The following RP1L1 variants were observed in gnomAD, a reference collection of about 807,000 sequenced individuals.
The protein encoded by RP1L1 is retinitis pigmentosa 1-like 1 protein.
A neutral mutation model predicts 15.7 loss-of-function variants in RP1L1; 27 were observed. The observed-to-expected ratio is 1.72, with a 90% CI of 1.27 to 2.38. The LOEUF (loss-of-function observed/expected upper bound fraction) is 2.38, where lower values mean the gene tolerates loss of function less well. RP1L1 is among the 30% of genes most tolerant of loss of function. The pLI, the probability that RP1L1 is intolerant of heterozygous loss-of-function variation, is 0.00. For synonymous variants in RP1L1, 1,813 were observed against 1,276.7 expected, an observed-to-expected ratio of 1.42 and a Z score of -8.96; for missense variants, 4,798 against 3,075.9, an observed-to-expected ratio of 1.56 and a Z score of -13.24.
intron 1 of RP1L1, among the ~76,000 whole-genome samples, chr8:10,636,551 T>C (rs1299877353): frequency 6.6e-6 from 1 of 152,140 alleles, no homozygotes; most frequent in African/African-American, 2.4e-5. Flanking sequence ...GGCCCTGGCC[T>C]GACCACCAAG....
In RP1L1 at chr8:10,606,631, C is replaced by T. The variant is rs145010029; in HGVS notation, c.*264G>A. 4.9e-5 allele frequency: 26 copies of T among 526,660 alleles called. No homozygotes were observed. In the East Asian group the frequency reaches 7.0e-4, roughly 14 times the overall value. 32.6% of individuals were successfully genotyped at this position (526,660 alleles called of 1,614,324 possible). A position where few individuals can be genotyped will look rare whatever the true frequency, so the allele number is the denominator to read the frequency against. On this transcript the variant is annotated 3_prime_UTR_variant, in exon 4 of 4. Coordinates refer to ENST00000382483, the MANE Select transcript of RP1L1 (RefSeq NM_178857.6). ...GCTCTGCAGACAAATAAATAGGAGC[C>T]GGGCTGACCTCCGATAACCGGGCAG...
chr8:10,635,275 AG>A (rs1230512614), intron 1 of RP1L1, among the ~76,000 whole-genome samples: 1 of 149,588 alleles, frequency 6.7e-6, no homozygotes, highest in South Asian at 2.1e-4. Context: ...TAGCCTCAGC[AG>A]CCCATAATTC....
intron 3 of RP1L1, 28 bp from the exon 4 acceptor site, chr8:10,613,374 A>G (rs369896454): frequency 3.7e-5 from 59 of 1,598,816 alleles, no homozygotes; most frequent in Non-Finnish European, 4.9e-5. Flanking sequence ...GGAAAAGAAA[A>G]GAAGAAAAGA....
chr8:10,637,075 C>G (rs1798340557), intron 1 of RP1L1, among the ~76,000 whole-genome samples: 2 of 152,196 alleles, frequency 1.3e-5, no homozygotes, highest in South Asian at 2.1e-4. Context: ...GGGAGAGAGA[C>G]AGGCTGAGAT....
chr8:10,624,157 C>T (rs1449942531), intron 1 of RP1L1, among the ~76,000 whole-genome samples: 4 of 152,216 alleles, frequency 2.6e-5, no homozygotes, highest in African/African-American at 9.7e-5. Flanking sequence ...TCTCAGAATA[C>T]TCATCACATT....
At chr8:10,631,001 G>A (rs1277553762) in intron 1 of RP1L1, among the ~76,000 whole-genome samples, 1 of 152,178 alleles carries the variant, frequency 6.6e-6, no homozygotes, top group African/African-American at 2.4e-5. Flanking sequence ...TGCTCGAGTG[G>A]AGTGAATGCC....
intron 1 of RP1L1, among the ~76,000 whole-genome samples, chr8:10,645,627 C>T (rs1165714017): frequency 1.3e-5 from 2 of 152,154 alleles, no homozygotes; most frequent in African/African-American, 4.8e-5. Flanking sequence ...GGAATCACTG[C>T]CATGGGCACG....
chr8:10,627,855 G>C (rs1283522997), intron 1 of RP1L1, among the ~76,000 whole-genome samples: 1 of 152,164 alleles, frequency 6.6e-6, no homozygotes, highest in East Asian at 1.9e-4. Flanking sequence ...AACAGAGCAA[G>C]TAGGCAAAGA....
rs556627161 is a variant in RP1L1 at position 10,612,525 on chromosome 8, C to A, written c.1573G>T (p.Ala525Ser). 2.5e-6 allele frequency: 4 copies of A among 1,610,904 alleles called. No individual in the cohort carries two copies. The African/African-American group carries it at 5.3e-5, about 21-fold the overall frequency. Residue 525 changes from alanine (A) to serine (S), a missense_variant, in exon 4 of 4, where the codon GCC becomes TCC. Ala to Ser is a moderately conservative substitution (Grantham distance 99). Coordinates refer to ENST00000382483, the MANE Select transcript of RP1L1 (RefSeq NM_178857.6). ...PEQGGRLTPR[A>S]RSEEGASSDS... ...GAAGAAGCCCCCTCCTCACTCCGGGCCCTCGGTGTCAGGCGGCCGCCTTGC... is the reference window on the plus strand; with the variant it reads ...GAAGAAGCCCCCTCCTCACTCCGGGACCTCGGTGTCAGGCGGCCGCCTTGC...
At chr8:10,617,938 T>C (rs553979084) in intron 2 of RP1L1, among the ~76,000 whole-genome samples, 1 of 152,302 alleles carries the variant, frequency 6.6e-6, no homozygotes, top group Non-Finnish European at 1.5e-5. Context: ...CACTAAACGG[T>C]AGCTAACGGA....
Position 10,610,325 on chromosome 8 carries a change from A to G in RP1L1, c.3773T>C (p.Phe1258Ser), listed in dbSNP as rs533807084. ...GGCTCGGGCGTTCAAGAAGGTTGGG[A>G]AACAACACTGCTGTTGGTTTTCCAG... ...GDLENQQQCC[F>S]PTFLNARACA... is the part of the protein sequence containing the mutation. Residue 1258 changes from phenylalanine to serine, a missense_variant, in exon 4 of 4, where the codon TTC becomes TCC. Phe to Ser is a radical substitution (Grantham distance 155). Coordinates refer to ENST00000382483, the MANE Select transcript of RP1L1 (RefSeq NM_178857.6). 1.6e-4 allele frequency: 260 copies of G among 1,614,152 alleles called. No individual in the cohort carries two copies. The South Asian group carries it at 2.8e-3, about 17-fold the overall frequency.
intron 1 of RP1L1, among the ~76,000 whole-genome samples, chr8:10,648,627 C>A (rs1798514815): frequency 6.6e-6 from 1 of 152,218 alleles, no homozygotes; most frequent in South Asian, 2.1e-4. Flanking sequence ...GGTTCCCTGT[C>A]TCCTTCGAAG....
intron 3 of RP1L1, among the ~76,000 whole-genome samples, chr8:10,615,458 G>A (rs1274723912): frequency 6.6e-6 from 1 of 152,170 alleles, no homozygotes; most frequent in East Asian, 1.9e-4. Flanking sequence ...CACCACTGTT[G>A]CCTGAGACCA....
chr8:10,637,110 G>A (rs566143912), intron 1 of RP1L1, among the ~76,000 whole-genome samples: 2 of 152,330 alleles, frequency 1.3e-5, no homozygotes, highest in Middle Eastern at 3.4e-3. Context: ...TGCAAGGTTC[G>A]CTCAGGGCCA....
At chr8:10,620,272 G>T (rs1441920003) in intron 2 of RP1L1, among the ~76,000 whole-genome samples, 1 of 152,144 alleles carries the variant, frequency 6.6e-6, no homozygotes, top group Non-Finnish European at 1.5e-5. Context: ...GCATGGGTTT[G>T]GAGATCTCAG....
intron 1 of RP1L1, among the ~76,000 whole-genome samples, chr8:10,646,931 C>G (rs1415098287): frequency 1.3e-5 from 2 of 152,260 alleles, no homozygotes; most frequent in Admixed American, 1.3e-4. Context: ...CCAACCTCCC[C>G]CCCTCAGTTG....
rs1798085612 is a variant in RP1L1, at chr8:10,622,798, T to C, written c.404A>G (p.Gln135Arg). 6.2e-7 allele frequency: 1 copy of C among 1,613,916 alleles called. No homozygotes were observed. The highest frequency in any genetic ancestry group is 1.1e-5 in the South Asian group (1 of 91,060). The change falls in exon 2 of 4, where the codon CAG becomes CGG. Residue 135 changes from glutamine (Q) to arginine (R), a missense_variant. Gln to Arg is a conservative substitution (Grantham distance 43). Transcript: ENST00000382483. The part of the protein sequence containing the change: ...TAQQLRDVEG[Q>R]REAPGTSSSR... Reference sequence around the variant, plus strand: ...GGAGGAGGTGCCTGGGGCTTCACGCTGGCCTTCGACATCCCGCAACTGCTG... The same window carrying C: ...GGAGGAGGTGCCTGGGGCTTCACGCCGGCCTTCGACATCCCGCAACTGCTG...
intron 2 of RP1L1, among the ~76,000 whole-genome samples, chr8:10,619,649 G>A (rs1798027225): frequency 1.3e-5 from 2 of 152,154 alleles, no homozygotes; most frequent in South Asian, 4.2e-4. Context: ...AGAGAGGGCT[G>A]GGCACAGTGG....
rs560833343 is a variant in RP1L1, at chr8:10,625,058, G to A, written c.-19-1838C>T. ...TCACTGCATTCCTACATTCCAGACC[G>A]GCCTTCAGAAGCCGGACTGAGGGTG... On this transcript the variant is annotated intron_variant, in intron 1 of 3. Coordinates refer to ENST00000382483, the MANE Select transcript of RP1L1 (RefSeq NM_178857.6). Among the ~76,000 whole-genome samples the A allele has an allele frequency of 8.5e-4, 130 of 152,328 alleles. 1 individual carries two copies. In the South Asian group the frequency reaches 9.1e-3, roughly 11 times the overall value.
Sources: allele counts gnomAD v4.1 joint callset (sites outside exome capture counted in the v4.1 genomes callset), GRCh38; gene constraint gnomAD v4.1.1; transcripts MANE v1.5; gene names NCBI Gene and HGNC (gene_info 2026-07-23, HGNC 2026-07-21).